MPHOSPH10: variants seen among roughly 807,000 people sequenced by gnomAD.
MPHOSPH10 encodes the protein U3 small nucleolar ribonucleoprotein MPP10.
MPHOSPH10 carries 33 observed loss-of-function variants against 77.3 expected under a neutral mutation model. That is an observed-to-expected ratio of 0.43 (90% CI 0.32 to 0.57). The LOEUF (loss-of-function observed/expected upper bound fraction) is 0.57, where lower values mean the gene tolerates loss of function less well. Ranked by LOEUF, MPHOSPH10 falls within the 20% of genes least tolerant of loss-of-function variation. MPHOSPH10 has a pLI of 0.07. For synonymous variants in MPHOSPH10, 245 were observed against 268.0 expected, an observed-to-expected ratio of 0.91 and a Z score of 0.84; for missense variants, 708 against 780.1, an observed-to-expected ratio of 0.91 and a Z score of 1.10.
rs571498907 is a variant in MPHOSPH10 at position 71,133,119 on chromosome 2, T to C, written c.311T>C (p.Ile104Thr). 4.6e-5 allele frequency: 74 copies of C among 1,613,978 alleles called. No individual in the cohort carries two copies. The South Asian group carries it at 6.7e-4, about 15-fold the overall frequency. Residue 104 changes from isoleucine (I) to threonine (T), a missense_variant, in exon 2 of 11, where the codon ATC (isoleucine) becomes ACC (threonine). Ile to Thr is a moderately conservative substitution (Grantham distance 89, BLOSUM62 -1). Transcript: ENST00000244230. ...AVSETINDED[I>T]SLLPESEEQE... ...AGTGAAACAATTAATGATGAAGATA[T>C]CAGTCTTCTCCCAGAGAGTGAAGAA...
Position 71,138,862 on chromosome 2 carries a change from C to T in MPHOSPH10, c.1240+231C>T, listed in dbSNP as rs186536239. On this transcript the variant is annotated intron_variant, in intron 5 of 10. Coordinates refer to ENST00000244230, the MANE Select transcript of MPHOSPH10 (RefSeq NM_005791.3). ...CCAGCCTGGCCAACATGGTGAAACC[C>T]CGTCTCTACTAAAAATACAAAAATC... 174 of 631,870 alleles carry T rather than the reference C, an allele frequency of 2.8e-4. No individual in the cohort carries two copies. The East Asian group carries it at 3.1e-3, about 11-fold the overall frequency. 39.1% of individuals were successfully genotyped at this position (631,870 alleles called of 1,614,324 possible).
chr2:71,139,234 T>G (rs1670099136), intron 5 of MPHOSPH10: 1 of 161,998 alleles, frequency 6.2e-6, no homozygotes, highest in Admixed American at 5.8e-5. Context: ...TTTTAAGTAC[T>G]TTTGCAGATA....
rs770325243 is a variant in MPHOSPH10 at position 71,139,781 on chromosome 2, T to C, written c.1241-14T>C. 1 of 1,588,016 alleles carries C rather than the reference T, an allele frequency of 6.3e-7. No individual in the cohort carries two copies. The highest frequency in any genetic ancestry group is 8.6e-7 in the Non-Finnish European group (1 of 1,159,348). The stretch of plus-strand genomic sequence containing the variant: ...GGATATCTACCTAATGAATAAACGT[T>C]GTATATCCTTTAGCACCTGTGATTA... On this transcript the variant is annotated splice_polypyrimidine_tract_variant and intron_variant, in intron 5 of 10. Coordinates refer to ENST00000244230, the MANE Select transcript of MPHOSPH10 (RefSeq NM_005791.3).
chr2:71,138,552 G>T lies in MPHOSPH10; in HGVS notation c.1161G>T (p.Gln387His). The change falls in exon 5 of 11, where the codon CAG (glutamine) becomes CAT (histidine). Residue 387 changes from glutamine (Q) to histidine (H), a missense_variant. Physicochemically the swap from Gln to His is conservative, Grantham distance 24. Coordinates refer to ENST00000244230, the MANE Select transcript of MPHOSPH10 (RefSeq NM_005791.3). ...TAGAAAAAAAGCCGTGGCAGCTTCAGGGGGAAGTGACAGCACAGAAGAGGC... is the reference window on the plus strand; with the variant it reads ...TAGAAAAAAAGCCGTGGCAGCTTCATGGGGAAGTGACAGCACAGAAGAGGC... ...ELLEKKPWQL[Q>H]GEVTAQKRPE... 1 of 1,612,496 alleles carries T rather than the reference G, an allele frequency of 6.2e-7. No individual in the cohort carries two copies. Among genetic ancestry groups the T allele is most frequent in the Non-Finnish European group, 8.5e-7 (1 of 1,179,506 alleles).
chr2:71,134,507 T>G (rs529969871), intron 3 of MPHOSPH10, 119 bp from the exon 4 acceptor site: 1 of 868,698 alleles, frequency 1.2e-6, no homozygotes, highest in Admixed American at 3.1e-5. Context: ...TTGGAAGTTC[T>G]GAGTATTTGG....
intron 9 of MPHOSPH10, chr2:71,148,563 G>A (rs1673759601): frequency 6.1e-6 from 1 of 162,608 alleles, no homozygotes; most frequent in Admixed American, 5.8e-5. Context: ...TCCCTGCCAT[G>A]TGAACATTGA....
intron 4 of MPHOSPH10, among the ~76,000 whole-genome samples, chr2:71,137,329 C>G (rs1673515830): frequency 1.3e-5 from 2 of 152,042 alleles, no homozygotes; most frequent in South Asian, 4.1e-4. Flanking sequence ...CTTTTAGACG[C>G]ATAGGCCAGT....
chr2:71,130,785 G>C, intron 1 of MPHOSPH10, 31 bp downstream of exon 1: 1 of 1,580,390 alleles, frequency 6.3e-7, no homozygotes, highest in Non-Finnish European at 8.6e-7. Context: ...CTCGGGGTGC[G>C]ACCGGGGTCT....
chr2:71,144,365 G>A (rs1673669302), intron 7 of MPHOSPH10, 63 bp from the exon 8 acceptor site: 1 of 1,170,446 alleles, frequency 8.5e-7, no homozygotes, highest in Non-Finnish European at 1.3e-6. Context: ...TTGACCTTTA[G>A]TGTTTTGTCC....
At chr2:71,141,439 C>T in intron 7 of MPHOSPH10, 70 bp downstream of exon 7, 2 of 1,255,380 alleles carry the variant, frequency 1.6e-6, no homozygotes, top group South Asian at 4.7e-5. Context: ...CTTTTTGTGA[C>T]TGTTGAAATC....
chr2:71,130,810 T>C, intron 1 of MPHOSPH10, 56 bp downstream of exon 1: 8 of 1,517,422 alleles, frequency 5.3e-6, no homozygotes, highest in South Asian at 3.5e-5. Flanking sequence ...TGGACGCGGG[T>C]TGCAGGCCTC....
chr2:71,134,516 G>T, intron 3 of MPHOSPH10, 110 bp from the exon 4 acceptor site: 1 of 925,272 alleles, frequency 1.1e-6, no homozygotes, highest in Non-Finnish European at 1.6e-6. Flanking sequence ...CTGAGTATTT[G>T]GTTGCATTAG....
intron 9 of MPHOSPH10, 196 bp downstream of exon 9, chr2:71,148,302 G>T (rs1673756508): frequency 2.0e-6 from 1 of 509,550 alleles, no homozygotes; most frequent in South Asian, 2.9e-5. Context: ...TTATTATGAG[G>T]TACAGGTTTG....
At chr2:71,143,434 C>T (rs1638575568) in intron 7 of MPHOSPH10, among the ~76,000 whole-genome samples, 1 of 152,032 alleles carries the variant, frequency 6.6e-6, no homozygotes, top group African/African-American at 2.4e-5. Context: ...CCCAGCCAGC[C>T]ACCATGCTGG....
intron 7 of MPHOSPH10, among the ~76,000 whole-genome samples, chr2:71,143,233 C>G (rs893201849): frequency 1.6e-4 from 24 of 151,666 alleles, no homozygotes; most frequent in African/African-American, 5.6e-4. Context: ...CGTCTGCCTC[C>G]CGGGTCCAAG....
Position 71,149,326 on chromosome 2 carries a change from AAG to A in MPHOSPH10, c.1773_1774del (p.Lys592GlyfsTer8). ...AAATATCAAAAGCGTATGAAAATAAAAGAGAAGGAGAAGCGGAGAAAACTGCT... is the reference window on the plus strand; with the variant it reads ...AAATATCAAAAGCGTATGAAAATAAAAGAAGGAGAAGCGGAGAAAACTGCT... On this transcript the variant is annotated frameshift_variant, in exon 10 of 11. Coordinates refer to ENST00000244230, the MANE Select transcript of MPHOSPH10 (RefSeq NM_005791.3). LOFTEE classifies it high-confidence loss of function. 1 of 1,613,604 alleles carries A rather than the reference AAG, an allele frequency of 6.2e-7. No homozygotes were observed. Among genetic ancestry groups the A allele is most frequent in the Non-Finnish European group, 8.5e-7 (1 of 1,179,658 alleles).
At chr2:71,142,913 C>T (rs999266824) in intron 7 of MPHOSPH10, among the ~76,000 whole-genome samples, 11 of 152,070 alleles carry the variant, frequency 7.2e-5, no homozygotes, top group Non-Finnish European at 1.2e-4. Context: ...ACAAAAAGCC[C>T]TCTTAGGCAT....
At chr2:71,138,740 C>T in intron 5 of MPHOSPH10, 109 bp downstream of exon 5, 1 of 1,444,452 alleles carries the variant, frequency 6.9e-7, no homozygotes, top group South Asian at 1.2e-5. Flanking sequence ...ATTTTAAAAA[C>T]TTGTAAACAC....
intron 4 of MPHOSPH10, among the ~76,000 whole-genome samples, chr2:71,138,161 T>G (rs562312624): frequency 6.6e-6 from 1 of 152,340 alleles, no homozygotes; most frequent in African/African-American, 2.4e-5. Flanking sequence ...CATCAGATAC[T>G]AATATTCTAA....
Sources: gnomAD v4.1 joint callset for allele counts (sites outside exome capture counted in the v4.1 genomes callset) on GRCh38, gnomAD v4.1.1 for gene constraint, MANE v1.5 for transcripts, NCBI Gene and HGNC (gene_info 2026-07-23, HGNC 2026-07-21) for gene names.